Variants in HADHB observed in about 807,000 individuals in gnomAD.
HADHB encodes the protein trifunctional enzyme subunit beta, mitochondrial.
In HADHB, 50 loss-of-function variants were observed where a neutral mutation model predicts 61.9. The observed-to-expected ratio is 0.81, with a 90% CI of 0.64 to 1.02. HADHB has a LOEUF of 1.02. HADHB is among the 50% of genes least tolerant of loss of function. HADHB has a pLI of 0.00. For synonymous variants in HADHB, 191 were observed against 201.6 expected (o/e 0.95, Z 0.45); for missense variants, 504 against 586.5 (o/e 0.86, Z 1.45).
intron 3 of HADHB, chr2:26,260,785 C>A: frequency 1.8e-6 from 1 of 543,884 alleles, no homozygotes; most frequent in Admixed American, 3.3e-5. Flanking sequence ...GCTACTTTGT[C>A]TCACACACCA....
At position 26,285,578 on chromosome 2, in the gene HADHB, T is replaced by TA. The variant is rs1484394551; in HGVS notation, c.1389+8dup. 7 of 1,609,548 alleles carry TA rather than the reference T, an allele frequency of 4.3e-6. No homozygotes were observed. The highest frequency in any genetic ancestry group is 6.0e-6 in the Non-Finnish European group (7 of 1,176,208). On this transcript the variant is annotated splice_region_variant and intron_variant, in intron 15 of 15. Coordinates refer to ENST00000317799, the MANE Select transcript of HADHB (RefSeq NM_000183.3). ...GTGTGCAGCTGGAGGGCAGGTACGT[T>TA]ACAGTGGTGTCATAGGACCCTCCAG...
intron 4 of HADHB, among the ~76,000 whole-genome samples, chr2:26,269,038 A>G (rs1672220958): frequency 6.6e-6 from 1 of 151,332 alleles, no homozygotes; most frequent in African/African-American, 2.4e-5. Context: ...AATCCCAGCT[A>G]TTCGGGAAGC....
At chr2:26,269,660 T>C (rs978040339) in intron 4 of HADHB, among the ~76,000 whole-genome samples, 7 of 152,254 alleles carry the variant, frequency 4.6e-5, no homozygotes, top group African/African-American at 1.4e-4. Context: ...AAGGTGGGGC[T>C]TCACTTTAAA....
intron 4 of HADHB, among the ~76,000 whole-genome samples, chr2:26,263,959 T>G (rs1471047313): frequency 1.3e-5 from 2 of 152,194 alleles, no homozygotes; most frequent in Non-Finnish European, 2.9e-5. Flanking sequence ...AGAATGGTCC[T>G]AGACCAGCTC....
intron 1 of HADHB, among the ~76,000 whole-genome samples, chr2:26,253,067 A>G (rs1254970203): frequency 1.3e-5 from 2 of 152,064 alleles, no homozygotes; most frequent in African/African-American, 4.8e-5. Context: ...ACATCTTTTC[A>G]TATACTTAAG....
Position 26,264,035 on chromosome 2 carries a change from G to A in HADHB, c.209+556G>A, listed in dbSNP as rs12479207. 3.5e-3 allele frequency among the ~76,000 whole-genome samples: 528 copies of A among 152,216 alleles called. 11 individuals carry two copies. In the East Asian group the frequency reaches 0.043, roughly 12 times the overall value. ...TTGTGCTTCTTTTCTGTCCCCGAGT[G>A]AAGGTTAGTCTATCCAAAAGCTGAT... On this transcript the variant is annotated intron_variant, in intron 4 of 15. Coordinates refer to ENST00000317799, the MANE Select transcript of HADHB (RefSeq NM_000183.3).
chr2:26,276,559 C>CT (rs1156855513), intron 6 of HADHB, among the ~76,000 whole-genome samples: 4 of 152,168 alleles, frequency 2.6e-5, no homozygotes, highest in East Asian at 3.8e-4. Flanking sequence ...AGTGGGAACT[C>CT]TGTTTATGAA....
intron 4 of HADHB, among the ~76,000 whole-genome samples, chr2:26,269,682 A>G (rs1055604441): frequency 6.6e-6 from 1 of 152,246 alleles, no homozygotes; most frequent in African/African-American, 2.4e-5. Context: ...AAAATTTAGC[A>G]TATGTTATAC....
At position 26,280,122 on chromosome 2, in the gene HADHB, G is replaced by GT; in HGVS notation, c.933+8dup. 6.2e-7 allele frequency: 1 copy of GT among 1,608,282 alleles called. No individual in the cohort carries two copies. The highest frequency in any genetic ancestry group is 8.5e-7 in the Non-Finnish European group (1 of 1,174,760). On this transcript the variant is annotated splice_region_variant and intron_variant, in intron 10 of 15. Transcript: ENST00000317799. ...TGCAAATTCTTCTTTCTTGGTAACTGTCAATGTTATTTGTATTTAGTAGTG... is the reference window on the plus strand; with the variant it reads ...TGCAAATTCTTCTTTCTTGGTAACTGTTCAATGTTATTTGTATTTAGTAGTG...
In HADHB at chr2:26,284,766, C is replaced by T. The variant is rs575249024; in HGVS notation, c.1150-117C>T. 4.0e-5 allele frequency: 30 copies of T among 751,948 alleles called. 1 individual carries two copies. Among genetic ancestry groups the T allele is most frequent in the African/African-American group, 3.1e-4 (18 of 58,350 alleles). The allele number at this position is 751,948 out of a possible 1,614,324, so 46.6% of individuals were successfully genotyped here. On this transcript the variant is annotated intron_variant, in intron 13 of 15. Coordinates refer to ENST00000317799, the MANE Select transcript of HADHB (RefSeq NM_000183.3). ...ACAGATGTGAGCCACTGTGCCTGGC[C>T]GATTTGTTCAACTTTAAACCATACC...
intron 6 of HADHB, among the ~76,000 whole-genome samples, chr2:26,275,139 A>G (rs1318940014): frequency 6.6e-6 from 1 of 152,134 alleles, no homozygotes; most frequent in Non-Finnish European, 1.5e-5. Context: ...TGAGAATGTC[A>G]CTCTAAAGCT....
chr2:26,289,864 C>T, intron 15 of HADHB, 54 bp from the exon 16 acceptor site: 4 of 1,184,686 alleles, frequency 3.4e-6, no homozygotes, highest in Non-Finnish European at 5.1e-6. Context: ...TGTCCCTGTA[C>T]TAGGTGGATT....
rs746996284 is a variant in HADHB at position 26,270,014 on chromosome 2, T to G, written c.254+17T>G. 1 of 1,541,648 alleles carries G rather than the reference T, an allele frequency of 6.5e-7. No individual in the cohort carries two copies. Among genetic ancestry groups the G allele is most frequent in the Non-Finnish European group, 9.0e-7 (1 of 1,114,058 alleles). Reference sequence around the variant, plus strand: ...AGCGCTTACGTAAGTAAATGCAGTTTCATTTCCGTTCTTATTTCATTAAAG... The same window carrying G: ...AGCGCTTACGTAAGTAAATGCAGTTGCATTTCCGTTCTTATTTCATTAAAG... On this transcript the variant is annotated intron_variant, in intron 5 of 15. Coordinates refer to ENST00000317799, the MANE Select transcript of HADHB (RefSeq NM_000183.3).
intron 15 of HADHB, among the ~76,000 whole-genome samples, 186 bp downstream of exon 15, chr2:26,285,757 T>TTTTTTTTTTG (rs10673554): frequency 7.0e-6 from 1 of 142,104 alleles, no homozygotes; most frequent in East Asian, 1.9e-4. Context: ...TTTTTTTTTT[T>TTTTTTTTTTG]GAGACAGTCT....
intron 13 of HADHB, 32 bp from the exon 14 acceptor site, chr2:26,284,851 C>T (rs749579570): frequency 6.6e-6 from 7 of 1,056,182 alleles, no homozygotes; most frequent in Middle Eastern, 2.0e-4. Context: ...ACATGAATAA[C>T]GAGGTTCTTA....
In HADHB at chr2:26,275,326, G is replaced by T. The variant is rs1289042508; in HGVS notation, c.354+1576G>T. On this transcript the variant is annotated intron_variant, in intron 6 of 15. Transcript: ENST00000317799. ...ATAATGTTAATATACAGTCCTAAAA[G>T]GCTCCTGGTGTTCATGAACCTGACT... Among the ~76,000 whole-genome samples, 6 of 152,218 alleles carry T rather than the reference G, an allele frequency of 3.9e-5. No homozygotes were observed. In the East Asian group the frequency reaches 1.2e-3, roughly 29 times the overall value.
chr2:26,255,687 A>G (rs959166305), intron 3 of HADHB, among the ~76,000 whole-genome samples: 3 of 152,152 alleles, frequency 2.0e-5, no homozygotes, highest in Non-Finnish European at 4.4e-5. Flanking sequence ...TGTCAGCCTC[A>G]TATAGTTATG....
intron 3 of HADHB, among the ~76,000 whole-genome samples, chr2:26,258,286 G>A (rs188703578): frequency 1.8e-3 from 269 of 152,294 alleles, no homozygotes; most frequent in Non-Finnish European, 3.3e-3. Context: ...ATGGCGGCAA[G>A]CCTTTTTTTC....
At chr2:26,284,787 A>G in intron 13 of HADHB, 96 bp from the exon 14 acceptor site, 1 of 794,184 alleles carries the variant, frequency 1.3e-6, no homozygotes, top group Non-Finnish European at 2.3e-6. Context: ...ACTTTAAACC[A>G]TACCTAAAGT....
Sources: gnomAD v4.1 joint callset for allele counts (sites outside exome capture counted in the v4.1 genomes callset) on GRCh38, gnomAD v4.1.1 for gene constraint, MANE v1.5 for transcripts, NCBI Gene and HGNC (gene_info 2026-07-23, HGNC 2026-07-21) for gene names.